ERC2: variants seen among roughly 807,000 people sequenced by gnomAD.
ERC2 encodes the protein ELKS/RAB6-interacting/CAST family member 2, also known as ERC protein 2.
Under a neutral mutation model 114.8 loss-of-function variants are expected in ERC2, and 42 were observed. The ratio of observed to expected loss-of-function variants is 0.37; its 90% confidence interval spans 0.29 to 0.47. ERC2 has a LOEUF of 0.47. ERC2 is among the 20% of genes least tolerant of loss of function. The pLI, the probability that ERC2 is intolerant of heterozygous loss-of-function variation, is 0.99. For missense variants in ERC2, 939 were observed against 1,150.7 expected (o/e 0.82, Z 2.66); for synonymous variants, 454 against 425.5 (o/e 1.07, Z -0.82).
chr3:56,310,732 T>C (rs1207488065), intron 2 of ERC2, among the ~76,000 whole-genome samples: 2 of 152,162 alleles, frequency 1.3e-5, no homozygotes, highest in Admixed American at 1.3e-4. Flanking sequence ...AGAGGATCCT[T>C]GGACCAAAAG....
At position 56,348,544 on chromosome 3, in the gene ERC2, TTATG is replaced by T. The variant is rs1044466146; in HGVS notation, c.658-52113_658-52110del. Among the ~76,000 whole-genome samples, 172 of 148,896 alleles carry T rather than the reference TTATG, an allele frequency of 1.2e-3. 2 individuals are homozygous for T. The highest frequency in any genetic ancestry group is 4.0e-3 in the African/African-American group (163 of 40,970). On this transcript the variant is annotated intron_variant, in intron 2 of 17. Transcript: ENST00000288221. ...TACTACAATATTTAATATTTAATAA[TTATG>T]TATTTATAAATTAAATATATACAAC...
At chr3:55,680,414 G>A (rs1051236897) in intron 17 of ERC2, among the ~76,000 whole-genome samples, 2 of 152,160 alleles carry the variant, frequency 1.3e-5, no homozygotes, top group African/African-American at 2.4e-5. Flanking sequence ...ATTGATGTTC[G>A]CAAACCCGAA....
At chr3:55,682,037 C>T (rs1482201132) in intron 17 of ERC2, among the ~76,000 whole-genome samples, 1 of 152,226 alleles carries the variant, frequency 6.6e-6, no homozygotes, top group African/African-American at 2.4e-5. Context: ...ACTCTTAGAA[C>T]TTTCCTTTAC....
At chr3:55,909,119 G>C (rs1354811218) in intron 13 of ERC2, among the ~76,000 whole-genome samples, 1 of 152,218 alleles carries the variant, frequency 6.6e-6, no homozygotes, top group South Asian at 2.1e-4. Flanking sequence ...AGGACCAGCA[G>C]TCAAACAGGA....
chr3:56,313,333 G>A (rs1274917346), intron 2 of ERC2, among the ~76,000 whole-genome samples: 1 of 151,768 alleles, frequency 6.6e-6, no homozygotes, highest in Non-Finnish European at 1.5e-5. Context: ...CCATTTAAAA[G>A]GGTAAATTTT....
At chr3:55,707,970 G>A (rs1027984725) in intron 15 of ERC2, among the ~76,000 whole-genome samples, 4 of 152,162 alleles carry the variant, frequency 2.6e-5, no homozygotes, top group Admixed American at 6.5e-5. Context: ...CTCTGACTGT[G>A]CAGCCTCCTT....
chr3:55,860,263 C>T (rs186432892), intron 14 of ERC2, among the ~76,000 whole-genome samples: 4 of 152,268 alleles, frequency 2.6e-5, no homozygotes, highest in Admixed American at 6.5e-5. Context: ...ATAGTAAACA[C>T]GGCAAAGCAG....
intron 3 of ERC2, among the ~76,000 whole-genome samples, chr3:56,217,977 C>G (rs938183868): frequency 1.3e-5 from 2 of 152,094 alleles, no homozygotes; most frequent in Non-Finnish European, 2.9e-5. Context: ...ACACCTTATA[C>G]AAAAATTAAT....
intron 7 of ERC2, among the ~76,000 whole-genome samples, chr3:56,071,525 A>G (rs1473361158): frequency 6.6e-6 from 1 of 152,182 alleles, no homozygotes; most frequent in Non-Finnish European, 1.5e-5. Context: ...CATGTCTTTT[A>G]AAATCAAATA....
At chr3:56,429,061 A>C (rs574923695) in intron 2 of ERC2, among the ~76,000 whole-genome samples, 11 of 152,348 alleles carry the variant, frequency 7.2e-5, no homozygotes, top group African/African-American at 2.6e-4. Flanking sequence ...ATACCGAGGA[A>C]TATGAAAAGT....
intron 17 of ERC2, among the ~76,000 whole-genome samples, chr3:55,654,954 C>A (rs904313374): frequency 6.6e-6 from 1 of 152,340 alleles, no homozygotes; most frequent in South Asian, 2.1e-4. Flanking sequence ...CCTCTAACTG[C>A]CCATTCTTGC....
chr3:55,844,666 C>T (rs1262456534), intron 14 of ERC2, among the ~76,000 whole-genome samples: 1 of 152,170 alleles, frequency 6.6e-6, no homozygotes, highest in East Asian at 1.9e-4. Flanking sequence ...ATGATTTGTA[C>T]ACTTTCATGC....
chr3:55,856,290 G>C (rs1199638521), intron 14 of ERC2, among the ~76,000 whole-genome samples: 2 of 152,092 alleles, frequency 1.3e-5, no homozygotes, highest in African/African-American at 4.8e-5. Flanking sequence ...GATCTGCTAG[G>C]GCATATTCCA....
intron 5 of ERC2, among the ~76,000 whole-genome samples, chr3:56,144,271 C>G (rs963138272): frequency 6.6e-6 from 1 of 152,142 alleles, no homozygotes; most frequent in Non-Finnish European, 1.5e-5. Flanking sequence ...TTCTCTCTCT[C>G]TCATACATAA....
chr3:55,589,900 C>G (rs1348725669), intron 17 of ERC2, among the ~76,000 whole-genome samples: 1 of 152,034 alleles, frequency 6.6e-6, no homozygotes, highest in Non-Finnish European at 1.5e-5. Context: ...AAGAGAAGGC[C>G]CTGTGCAGCA....
chr3:55,959,172 C>A (rs2068185621), intron 12 of ERC2, among the ~76,000 whole-genome samples: 1 of 152,172 alleles, frequency 6.6e-6, no homozygotes, highest in Admixed American at 6.5e-5. Context: ...CCAAGAAAAC[C>A]TTGGGAGCAA....
At chr3:55,556,401 C>T (rs991781198) in intron 17 of ERC2, among the ~76,000 whole-genome samples, 1 of 152,208 alleles carries the variant, frequency 6.6e-6, no homozygotes, top group Non-Finnish European at 1.5e-5. Flanking sequence ...CCCCATTCAC[C>T]TTACTTCCAG....
intron 7 of ERC2, among the ~76,000 whole-genome samples, chr3:56,038,152 A>C (rs1278566556): frequency 6.6e-6 from 1 of 152,248 alleles, no homozygotes; most frequent in Non-Finnish European, 1.5e-5. Flanking sequence ...GACAACCTAA[A>C]GAATGGGAGA....
intron 14 of ERC2, among the ~76,000 whole-genome samples, chr3:55,747,740 C>A (rs1400543496): frequency 2.6e-5 from 4 of 152,152 alleles, no homozygotes; most frequent in Non-Finnish European, 4.4e-5. Flanking sequence ...GAAGAGGAGG[C>A]ACAAGAGCAT....
Sources: gnomAD v4.1 joint callset for allele counts (sites outside exome capture counted in the v4.1 genomes callset) on GRCh38, gnomAD v4.1.1 for gene constraint, MANE v1.5 for transcripts, NCBI Gene and HGNC (gene_info 2026-07-23, HGNC 2026-07-21) for gene names.